The following ELF2 variants were observed in gnomAD, a reference collection of about 807,000 sequenced individuals.
The protein encoded by ELF2 is E74 like ETS transcription factor 2.
A neutral mutation model predicts 54.8 loss-of-function variants in ELF2; 11 were observed. The ratio of observed to expected loss-of-function variants is 0.20; its 90% CI spans 0.13 to 0.33. The LOEUF is 0.33. ELF2 is among the 10% of genes least tolerant of loss of function. ELF2 has a pLI of 1.00. For missense variants in ELF2, 513 were observed against 703.0 expected (o/e 0.73, Z 3.06); for synonymous variants, 203 against 245.1 (o/e 0.83, Z 1.61).
At chr4:139,121,131 C>CT in intron 4 of ELF2, among the ~76,000 whole-genome samples, 1 of 88,620 alleles carries the variant, frequency 1.1e-5, no homozygotes, top group Non-Finnish European at 1.9e-5. Context: ...TTTTTTGAGA[C>CT]GGAGTCTTGC....
At chr4:139,061,494 T>C (rs1727851665) in intron 8 of ELF2, among the ~76,000 whole-genome samples, 1 of 152,092 alleles carries the variant, frequency 6.6e-6, no homozygotes, top group Non-Finnish European at 1.5e-5. Context: ...AAACTTAAGA[T>C]AAATTTTCCT....
At chr4:139,090,064 G>C (rs553358977) in intron 4 of ELF2, among the ~76,000 whole-genome samples, 82 of 152,274 alleles carry the variant, frequency 5.4e-4, no homozygotes, top group African/African-American at 1.9e-3. Flanking sequence ...AAGTTAGCTA[G>C]GACTACAGTC....
At chr4:139,159,006 T>C (rs1294908928) in intron 1 of ELF2, among the ~76,000 whole-genome samples, 1 of 151,944 alleles carries the variant, frequency 6.6e-6, no homozygotes, top group Admixed American at 6.6e-5. Context: ...TAAAGGCCGG[T>C]CCGTTATCGG....
chr4:139,146,031 T>A (rs1382968190), intron 1 of ELF2, among the ~76,000 whole-genome samples: 1 of 152,160 alleles, frequency 6.6e-6, no homozygotes, highest in Non-Finnish European at 1.5e-5. Flanking sequence ...GCCAGAGCAA[T>A]CAGGCATGAG....
intron 1 of ELF2, among the ~76,000 whole-genome samples, chr4:139,161,495 TATC>T (rs1338523904): frequency 6.6e-6 from 1 of 152,018 alleles, no homozygotes; most frequent in Non-Finnish European, 1.5e-5. Flanking sequence ...TCTTCTGAGT[TATC>T]AACAAAATCT....
At chr4:139,171,619 A>C (rs982098700) in intron 1 of ELF2, among the ~76,000 whole-genome samples, 6 of 150,930 alleles carry the variant, frequency 4.0e-5, no homozygotes, top group African/African-American at 1.2e-4. Context: ...CAAAAAAAAA[A>C]ACACAACAAA....
intron 4 of ELF2, among the ~76,000 whole-genome samples, chr4:139,093,180 T>C (rs1732867620): frequency 1.3e-5 from 2 of 151,974 alleles, no homozygotes; most frequent in Non-Finnish European, 2.9e-5. Context: ...TTAGCCAGGA[T>C]GGTTTCGATC....
At chr4:139,093,077 T>C (rs1013612350) in intron 4 of ELF2, among the ~76,000 whole-genome samples, 2 of 151,286 alleles carry the variant, frequency 1.3e-5, no homozygotes, top group African/African-American at 4.8e-5. Context: ...GCCATCCTCC[T>C]GGCTCAGCCT....
chr4:139,138,158 C>G (rs1005916130), intron 2 of ELF2, among the ~76,000 whole-genome samples: 3 of 152,182 alleles, frequency 2.0e-5, no homozygotes, highest in African/African-American at 7.2e-5. Context: ...TGGCTCACGC[C>G]TGTATATTCC....
At chr4:139,091,934 T>TAC (rs1732622208) in intron 4 of ELF2, among the ~76,000 whole-genome samples, 1 of 148,842 alleles carries the variant, frequency 6.7e-6, no homozygotes, top group Non-Finnish European at 1.5e-5. Flanking sequence ...CACATATATA[T>TAC]ACACATATAT....
At chr4:139,115,190 G>C in intron 4 of ELF2, 3 of 1,611,830 alleles carry the variant, frequency 1.9e-6, no homozygotes, top group Non-Finnish European at 2.5e-6. Context: ...AGCTCCTTGC[G>C]GTCATACTTG....
chr4:139,168,122 T>C (rs1214032905), intron 1 of ELF2, among the ~76,000 whole-genome samples: 2 of 152,228 alleles, frequency 1.3e-5, no homozygotes, highest in African/African-American at 4.8e-5. Context: ...GCATTAGCTA[T>C]TGGTTAAGTA....
At chr4:139,064,852 C>A (rs1728448789) in intron 7 of ELF2, among the ~76,000 whole-genome samples, 1 of 152,062 alleles carries the variant, frequency 6.6e-6, no homozygotes, top group Non-Finnish European at 1.5e-5. Context: ...TGCACTCCAG[C>A]CTGGGCAACA....
At chr4:139,170,642 C>T (rs1742200286) in intron 1 of ELF2, among the ~76,000 whole-genome samples, 1 of 141,740 alleles carries the variant, frequency 7.1e-6, no homozygotes, top group East Asian at 2.0e-4. Flanking sequence ...AAAAAACTTA[C>T]ATCCAGAATA....
At position 139,135,277 on chromosome 4, in the gene ELF2, G is replaced by GTA. The variant is rs1189838287; in HGVS notation, c.72+2352_72+2353insTA. Among the ~76,000 whole-genome samples, 690 of 136,182 alleles carry GTA rather than the reference G, an allele frequency of 5.1e-3. 9 individuals carry two copies. The East Asian group carries it at 0.069, about 14-fold the overall frequency. 89.3% of individuals were successfully genotyped at this position (136,182 alleles called of 152,430 possible). ...TGTGTGTGTGTGTGTGTGTGTGTGT[G>GTA]TGTATATATGAATGAAACATTCCTG... is the stretch of plus-strand genomic sequence containing the variant. On this transcript the variant is annotated intron_variant, in intron 3 of 9. Coordinates refer to ENST00000686138, the MANE Select transcript of ELF2 (RefSeq NM_001331036.3).
intron 4 of ELF2, among the ~76,000 whole-genome samples, chr4:139,121,676 T>C (rs1736363017): frequency 1.3e-5 from 2 of 152,130 alleles, no homozygotes; most frequent in Admixed American, 1.3e-4. Context: ...GGAAGATATG[T>C]TATACCTGCC....
intron 4 of ELF2, among the ~76,000 whole-genome samples, chr4:139,092,230 C>G (rs1386663536): frequency 3.3e-5 from 5 of 151,214 alleles, no homozygotes; most frequent in Non-Finnish European, 7.4e-5. Flanking sequence ...GGCGTGGTGG[C>G]AGGCGACTTA....
intron 4 of ELF2, among the ~76,000 whole-genome samples, chr4:139,102,827 C>G (rs1014469172): frequency 6.6e-6 from 1 of 152,020 alleles, no homozygotes; most frequent in African/African-American, 2.4e-5. Context: ...GGCGACAGAG[C>G]AAGACTCCAT....
At chr4:139,177,245 G>T (rs1332151295), upstream of ELF2, 1 of 44,034 alleles carries the variant, frequency 2.3e-5, no homozygotes, top group Non-Finnish European at 4.8e-5. Flanking sequence ...CTCCGCTCCC[G>T]GCCCCCTCCC....
Sources: allele counts gnomAD v4.1 joint callset (sites outside exome capture counted in the v4.1 genomes callset), GRCh38; gene constraint gnomAD v4.1.1; transcripts MANE v1.5; gene names NCBI Gene and HGNC (gene_info 2026-07-23, HGNC 2026-07-21).